The following ATAD2 variants were observed in gnomAD, a reference collection of about 807,000 sequenced individuals.
ATAD2 encodes ATPase family AAA domain-containing protein 2.
In ATAD2, 62 loss-of-function variants were observed where a neutral mutation model predicts 168.9. The ratio of observed to expected loss-of-function variants is 0.37; its 90% confidence interval spans 0.30 to 0.45. The LOEUF (loss-of-function observed/expected upper bound fraction) is 0.45, where lower values mean the gene tolerates loss of function less well. Ranked by LOEUF, ATAD2 falls within the 20% of genes least tolerant of loss-of-function variation. The pLI is 1.00. For synonymous variants in ATAD2, 613 were observed against 571.6 expected, an observed-to-expected ratio of 1.07 and a Z score of -1.03; for missense variants, 1,419 against 1,667.8, an observed-to-expected ratio of 0.85 and a Z score of 2.60.
intron 2 of ATAD2, 101 bp from the exon 3 acceptor site, chr8:123,372,787 G>C (rs1212300223): frequency 6.4e-6 from 6 of 941,634 alleles, no homozygotes; most frequent in African/African-American, 3.4e-5. Context: ...GAGTGCAGTG[G>C]CACAATCATG....
At chr8:123,398,732 T>C (rs1428671353), upstream of ATAD2, among the ~76,000 whole-genome samples, 1 of 151,822 alleles carries the variant, frequency 6.6e-6, no homozygotes, top group Non-Finnish European at 1.5e-5. Flanking sequence ...CTCAAACTCC[T>C]GGCCTCAAGC....
intron 13 of ATAD2, among the ~76,000 whole-genome samples, chr8:123,353,768 TAAACA>T (rs746796434): frequency 1.6e-4 from 24 of 152,230 alleles, no homozygotes; most frequent in South Asian, 6.2e-4. Flanking sequence ...TTTTTTTCTT[TAAACA>T]AAACAAAACA....
intron 8 of ATAD2, 128 bp downstream of exon 8, chr8:123,368,930 A>G: frequency 2.5e-6 from 1 of 396,462 alleles, no homozygotes; most frequent in Non-Finnish European, 4.2e-6. Flanking sequence ...AGGTATAGAA[A>G]CTAAGCTCTC....
intron 1 of ATAD2, among the ~76,000 whole-genome samples, chr8:123,404,860 C>T (rs376560261): frequency 1.3e-5 from 2 of 152,160 alleles, no homozygotes; most frequent in South Asian, 2.1e-4. Context: ...CTCATAAGGA[C>T]GTCAGTCATT....
intron 19 of ATAD2, among the ~76,000 whole-genome samples, chr8:123,344,247 A>T (rs916859478): frequency 1.1e-4 from 16 of 152,310 alleles, no homozygotes; most frequent in African/African-American, 3.8e-4. Context: ...GCTCTTAAAG[A>T]GACTTTAGCA....
chr8:123,400,862 C>T (rs1286237502), upstream of ATAD2: 7 of 1,395,328 alleles, frequency 5.0e-6, no homozygotes, highest in Non-Finnish European at 7.1e-6. This position sits in a 1 kb window ranked among gnomAD's most constrained non-coding sequence, Gnocchi z 4.5. Flanking sequence ...CACAACTGCA[C>T]CCCAGAGTTC....
At chr8:123,353,521 G>A (rs974386549) in intron 13 of ATAD2, among the ~76,000 whole-genome samples, 3 of 152,092 alleles carry the variant, frequency 2.0e-5, no homozygotes, top group African/African-American at 7.2e-5. Flanking sequence ...GCCAGTGAGA[G>A]ATCCCTCAAA....
chr8:123,354,340 T>C (rs1234683053), intron 13 of ATAD2, among the ~76,000 whole-genome samples: 1 of 152,228 alleles, frequency 6.6e-6, no homozygotes, highest in Non-Finnish European at 1.5e-5. Context: ...TAATTTAACA[T>C]ACATTTTTAC....
chr8:123,353,818 T>C (rs1455353323), intron 13 of ATAD2, among the ~76,000 whole-genome samples: 2 of 152,150 alleles, frequency 1.3e-5, no homozygotes, highest in South Asian at 2.1e-4. Context: ...TCTATTGATA[T>C]TTGCAATTCA....
At chr8:123,343,965 T>C (rs965828727) in intron 19 of ATAD2, among the ~76,000 whole-genome samples, 17 of 152,216 alleles carry the variant, frequency 1.1e-4, no homozygotes, top group Non-Finnish European at 1.9e-4. Context: ...TTGTTCACTA[T>C]TGGCAGTTGT....
intron 13 of ATAD2, 149 bp from the exon 14 acceptor site, chr8:123,349,593 C>G: frequency 1.4e-6 from 1 of 733,594 alleles, no homozygotes; most frequent in East Asian, 3.0e-5. Flanking sequence ...TTAAAAAAAT[C>G]TATAAAATAA....
At chr8:123,340,853 A>G (rs1344912632) in intron 19 of ATAD2, among the ~76,000 whole-genome samples, 1 of 152,118 alleles carries the variant, frequency 6.6e-6, no homozygotes, top group Non-Finnish European at 1.5e-5. Flanking sequence ...AACAAGAAAG[A>G]TCTGGATAGT....
At chr8:123,343,036 G>A (rs543224063) in intron 19 of ATAD2, among the ~76,000 whole-genome samples, 10 of 150,818 alleles carry the variant, frequency 6.6e-5, no homozygotes, top group Admixed American at 1.3e-4. Flanking sequence ...CCCAGCTGGA[G>A]TGCAATGGTG....
intron 11 of ATAD2, 63 bp from the exon 12 acceptor site, chr8:123,357,799 T>C (rs1032360139): frequency 7.0e-7 from 1 of 1,420,022 alleles, no homozygotes; most frequent in Non-Finnish European, 9.4e-7. Context: ...AAAACAAAAA[T>C]TAGAAACCAA....
At chr8:123,365,182 C>T (rs1013862415) in intron 8 of ATAD2, among the ~76,000 whole-genome samples, 4 of 152,020 alleles carry the variant, frequency 2.6e-5, no homozygotes, top group Non-Finnish European at 5.9e-5. Flanking sequence ...TTTACAATAG[C>T]TGCAAAATAA....
rs1043540938 is a variant in ATAD2 at position 123,336,765 on chromosome 8, T to G, written c.3052-233A>C. On this transcript the variant is annotated intron_variant, in intron 21 of 27. Coordinates refer to ENST00000287394, the MANE Select transcript of ATAD2 (RefSeq NM_014109.4). Reference sequence around the variant, plus strand: ...TGTTTCTTATTCTTGGGCAGCTGTATTCTCCAGTAACAGCCTATATTCTTT... The same window carrying G: ...TGTTTCTTATTCTTGGGCAGCTGTAGTCTCCAGTAACAGCCTATATTCTTT... Among the ~76,000 whole-genome samples, 4 of 152,140 alleles carry G rather than the reference T, an allele frequency of 2.6e-5. No homozygotes were observed. In the South Asian group the frequency reaches 8.3e-4, roughly 32 times the overall value.
chr8:123,396,511 CCGCCCA>C, upstream of ATAD2: 1 of 731,554 alleles, frequency 1.4e-6, no homozygotes, highest in Non-Finnish European at 2.2e-6. Flanking sequence ...GCCGTCTGTC[CCGCCCA>C]CGCCACCACC....
rs551990996 is a variant in ATAD2 at position 123,380,082 on chromosome 8, C to T, written c.320+447G>A. The stretch of plus-strand genomic sequence containing the variant: ...TGTATATATTTTTTTGAGACAGTCT[C>T]GCTCTGTCGCCCAGGCTGAAGTGCA... On this transcript the variant is annotated intron_variant, in intron 2 of 27. Coordinates refer to ENST00000287394, the MANE Select transcript of ATAD2 (RefSeq NM_014109.4). 1.4e-3 allele frequency among the ~76,000 whole-genome samples: 215 copies of T among 151,578 alleles called. No homozygotes were observed. The Middle Eastern group carries it at 0.017, about 12-fold the overall frequency.
chr8:123,365,035 A>C (rs1216282747), intron 8 of ATAD2, among the ~76,000 whole-genome samples: 1 of 152,098 alleles, frequency 6.6e-6, no homozygotes, highest in Non-Finnish European at 1.5e-5. Context: ...CCCAAAGACT[A>C]CTGCAAAAAA....
Sources: gnomAD v4.1 joint callset for allele counts (sites outside exome capture counted in the v4.1 genomes callset) on GRCh38, gnomAD v4.1.1 for gene constraint, Gnocchi (gnomAD v3.1) non-coding constraint, MANE v1.5 for transcripts, NCBI Gene and HGNC (gene_info 2026-07-23, HGNC 2026-07-21) for gene names.